Variants in CDK19 observed in about 807,000 individuals in gnomAD.
CDK19 encodes the protein cyclin dependent kinase 19.
In CDK19, 20 loss-of-function variants were observed where a neutral mutation model predicts 68.3. The ratio of observed to expected loss-of-function variants is 0.29; its 90% CI spans 0.21 to 0.43. The LOEUF (loss-of-function observed/expected upper bound fraction) is 0.43, where lower values mean the gene tolerates loss of function less well. CDK19 is among the 20% of genes least tolerant of loss of function. The probability of loss-of-function intolerance (pLI) is 1.00; values close to 1 mark genes in which losing one functional copy is unlikely to be tolerated. For missense variants in CDK19, 339 were observed against 623.5 expected, an observed-to-expected ratio of 0.54 and a Z score of 4.86; for synonymous variants, 221 against 222.8, an observed-to-expected ratio of 0.99 and a Z score of 0.07.
chr6:110,660,638 C>A (rs1271335407), intron 4 of CDK19, among the ~76,000 whole-genome samples: 1 of 152,166 alleles, frequency 6.6e-6, no homozygotes. Flanking sequence ...GGAAGCTAAT[C>A]TCCCCCAAAG....
chr6:110,719,970 C>A (rs1401220757), intron 2 of CDK19, among the ~76,000 whole-genome samples: 3 of 21,188 alleles, frequency 1.4e-4, no homozygotes, highest in Admixed American at 8.8e-4. Context: ...ACCTTGTGAT[C>A]CGCCCCCCCC....
chr6:110,724,721 A>C (rs1776197868), intron 2 of CDK19, among the ~76,000 whole-genome samples: 1 of 152,220 alleles, frequency 6.6e-6, no homozygotes, highest in Admixed American at 6.5e-5. Context: ...AGTACGGTGA[A>C]TCTTCAACTA....
At position 110,646,605 on chromosome 6, in the gene CDK19, G is replaced by A. The variant is rs74623795; in HGVS notation, c.457-7899C>T. On this transcript the variant is annotated intron_variant, in intron 4 of 12. Transcript: ENST00000368911. Reference sequence around the variant, plus strand: ...CAACCGGGCCAACGGCGGAGGGGGCGGGGAGGGGGGATTCGGAAAAGACAA... The same window carrying A: ...CAACCGGGCCAACGGCGGAGGGGGCAGGGAGGGGGGATTCGGAAAAGACAA... 4,139 of 642,996 alleles carry A rather than the reference G, an allele frequency of 6.4e-3. 134 individuals are homozygous for A. In the African/African-American group the frequency reaches 0.071, roughly 11 times the overall value. The allele number at this position is 642,996 out of a possible 1,614,324, so 39.8% of individuals were successfully genotyped here.
At chr6:110,655,192 C>T (rs1781229521) in intron 4 of CDK19, among the ~76,000 whole-genome samples, 2 of 151,620 alleles carry the variant, frequency 1.3e-5, no homozygotes, top group South Asian at 4.2e-4. Context: ...ATAGTGAAAC[C>T]CTGTCTCTAC....
intron 2 of CDK19, among the ~76,000 whole-genome samples, chr6:110,673,129 T>C (rs1771158541): frequency 6.6e-6 from 1 of 152,172 alleles, no homozygotes. Context: ...TGATAACCAT[T>C]ATCTAATTTA....
chr6:110,714,340 T>G (rs1424158622), intron 2 of CDK19, among the ~76,000 whole-genome samples: 1 of 152,246 alleles, frequency 6.6e-6, no homozygotes, highest in Non-Finnish European at 1.5e-5. Flanking sequence ...TTATTTCTAA[T>G]TTTTTGTTAT....
At chr6:110,803,737 G>A (rs771378356) in intron 1 of CDK19, among the ~76,000 whole-genome samples, 27 of 152,172 alleles carry the variant, frequency 1.8e-4, no homozygotes, top group Admixed American at 2.6e-4. Flanking sequence ...AGGCCAAAGC[G>A]GGTAGATGGC....
chr6:110,794,478 T>A (rs1009937072), intron 1 of CDK19, among the ~76,000 whole-genome samples: 2 of 150,536 alleles, frequency 1.3e-5, no homozygotes, highest in Non-Finnish European at 1.5e-5. Flanking sequence ...CTTGGCTCAC[T>A]GCAACCTCTG....
intron 2 of CDK19, among the ~76,000 whole-genome samples, chr6:110,710,981 T>C (rs934276945): frequency 6.6e-6 from 1 of 152,188 alleles, no homozygotes; most frequent in Admixed American, 6.5e-5. Context: ...TCATATCGTC[T>C]ATAATAAGAG....
At chr6:110,733,244 T>C (rs758145073) in intron 2 of CDK19, among the ~76,000 whole-genome samples, 7 of 152,210 alleles carry the variant, frequency 4.6e-5, no homozygotes, top group Non-Finnish European at 8.8e-5. Context: ...TTTAAATTAA[T>C]GTTTCTGAGA....
chr6:110,708,679 C>T (rs1462876365), intron 2 of CDK19, among the ~76,000 whole-genome samples: 8 of 152,182 alleles, frequency 5.3e-5, no homozygotes, highest in African/African-American at 1.9e-4. Flanking sequence ...TTCAACATGA[C>T]ACTGTGAGTG....
chr6:110,757,892 T>G (rs1369079597), intron 1 of CDK19, among the ~76,000 whole-genome samples: 1 of 152,126 alleles, frequency 6.6e-6, no homozygotes, highest in East Asian at 1.9e-4. Context: ...AAGCAGCAGT[T>G]AAAGAGTTAA....
At chr6:110,774,425 G>A (rs995834025) in intron 1 of CDK19, among the ~76,000 whole-genome samples, 3 of 152,160 alleles carry the variant, frequency 2.0e-5, no homozygotes, top group Non-Finnish European at 4.4e-5. Flanking sequence ...GACAGGTAGT[G>A]TCTACAGCAT....
At chr6:110,714,722 C>CTTTTT (rs112875656) in intron 2 of CDK19, among the ~76,000 whole-genome samples, 5 of 69,850 alleles carry the variant, frequency 7.2e-5, no homozygotes, top group East Asian at 2.8e-4. Flanking sequence ...AATGTCTTTT[C>CTTTTT]TTTTTTTTTT....
At chr6:110,723,152 A>AC (rs1776056859) in intron 2 of CDK19, among the ~76,000 whole-genome samples, 2 of 39,784 alleles carry the variant, frequency 5.0e-5, no homozygotes, top group African/African-American at 1.0e-4. Flanking sequence ...AACAAAAAAC[A>AC]AAAAAAAAAA....
intron 4 of CDK19, among the ~76,000 whole-genome samples, chr6:110,648,623 C>T (rs1165019238): frequency 6.6e-6 from 1 of 150,884 alleles, no homozygotes; most frequent in Non-Finnish European, 1.5e-5. Context: ...TGACTACAAC[C>T]TCTGCCTTCC....
At chr6:110,814,634 G>C in intron 1 of CDK19, 1 of 481,268 alleles carries the variant, frequency 2.1e-6, no homozygotes, top group South Asian at 1.5e-5. Flanking sequence ...CCCAGGGCCG[G>C]AGCGGCAACT....
chr6:110,618,818 C>A (rs1778519908), intron 12 of CDK19, among the ~76,000 whole-genome samples: 1 of 105,004 alleles, frequency 9.5e-6, no homozygotes, highest in Non-Finnish European at 1.8e-5. Context: ...TCTTTGCAGA[C>A]AGCCCCTCCC....
chr6:110,786,064 G>A (rs925297661), intron 1 of CDK19, among the ~76,000 whole-genome samples: 1 of 151,862 alleles, frequency 6.6e-6, no homozygotes, highest in African/African-American at 2.4e-5. Flanking sequence ...CTCTAGCAAT[G>A]TTTTGGTATG....
Sources: allele counts gnomAD v4.1 joint callset (sites outside exome capture counted in the v4.1 genomes callset), GRCh38; gene constraint gnomAD v4.1.1; transcripts MANE v1.5; gene names NCBI Gene and HGNC (gene_info 2026-07-23, HGNC 2026-07-21).